ERC2: variants seen among roughly 807,000 people sequenced by gnomAD.
ERC2 encodes ELKS/RAB6-interacting/CAST family member 2.
In ERC2, 42 loss-of-function variants were observed where a neutral mutation model predicts 114.8. That is an observed-to-expected ratio of 0.37 (90% CI 0.29 to 0.47). The LOEUF is 0.47. ERC2 is among the 20% of genes least tolerant of loss of function. The probability of loss-of-function intolerance (pLI) is 0.99; values close to 1 mark genes in which losing one functional copy is unlikely to be tolerated. For synonymous variants in ERC2, 454 were observed against 425.5 expected (o/e 1.07, Z -0.82); for missense variants, 939 against 1,150.7 (o/e 0.82, Z 2.66).
At chr3:55,651,904 CG>C (rs1280520293) in intron 17 of ERC2, among the ~76,000 whole-genome samples, 1 of 152,206 alleles carries the variant, frequency 6.6e-6, no homozygotes, top group Non-Finnish European at 1.5e-5. Context: ...CCCAGCAGCT[CG>C]GAATGCTGTT....
intron 12 of ERC2, among the ~76,000 whole-genome samples, chr3:55,954,284 A>T (rs564128037): frequency 2.6e-5 from 4 of 152,304 alleles, no homozygotes; most frequent in African/African-American, 9.6e-5. Flanking sequence ...TTCATAAATC[A>T]AGGGATGTCA....
At chr3:55,735,379 T>C (rs1188919047) in intron 14 of ERC2, among the ~76,000 whole-genome samples, 1 of 152,204 alleles carries the variant, frequency 6.6e-6, no homozygotes, top group Non-Finnish European at 1.5e-5. Context: ...GGTGGTAGCT[T>C]CCAGCAAGGG....
chr3:55,677,401 C>G (rs1215572847), intron 17 of ERC2, among the ~76,000 whole-genome samples: 1 of 152,130 alleles, frequency 6.6e-6, no homozygotes, highest in African/African-American at 2.4e-5. Context: ...TTTGCCTTTT[C>G]TTTTACCTCC....
At chr3:55,581,726 C>T (rs964091654) in intron 17 of ERC2, among the ~76,000 whole-genome samples, 4 of 152,140 alleles carry the variant, frequency 2.6e-5, no homozygotes, top group African/African-American at 9.7e-5. Context: ...GGGTCCAGAG[C>T]TTCTCAGAAA....
At chr3:56,447,183 T>C (rs561030277) in intron 1 of ERC2, among the ~76,000 whole-genome samples, 1 of 152,328 alleles carries the variant, frequency 6.6e-6, no homozygotes, top group South Asian at 2.1e-4. Flanking sequence ...GTGTCTGAGC[T>C]TGGCCACGGG....
In ERC2 at chr3:55,754,126, C is replaced by T. The variant is rs116521301; in HGVS notation, c.2565-19208G>A. Among the ~76,000 whole-genome samples, 713 of 151,932 alleles carry T rather than the reference C, an allele frequency of 4.7e-3. 5 individuals carry two copies. Among genetic ancestry groups the T allele is most frequent in the African/African-American group, 0.016 (663 of 41,446 alleles). On this transcript the variant is annotated intron_variant, in intron 14 of 17. Coordinates refer to ENST00000288221, the MANE Select transcript of ERC2 (RefSeq NM_015576.3). ...TGAGTGTGGTTCATTAAGTTATTAT[C>T]GGCTACAAGATAAATATGTTCAAAT...
chr3:55,694,738 C>T (rs908396995), intron 16 of ERC2, among the ~76,000 whole-genome samples: 2 of 152,118 alleles, frequency 1.3e-5, no homozygotes, highest in African/African-American at 4.8e-5. Flanking sequence ...AGAATCAGAG[C>T]GGCAAGTGCT....
chr3:56,111,330 TCTCA>T (rs958101280), intron 6 of ERC2, among the ~76,000 whole-genome samples: 49 of 145,486 alleles, frequency 3.4e-4, no homozygotes, highest in Non-Finnish European at 5.5e-4. Flanking sequence ...TCTCTCTCTC[TCTCA>T]ATCTCTCTCC....
rs1219198403 is a variant in ERC2, at chr3:55,997,901, TTTTTTTG to T, written c.2062-5658_2062-5652del. 3.2e-3 allele frequency among the ~76,000 whole-genome samples: 160 copies of T among 50,738 alleles called. 1 individual carries two copies. Among genetic ancestry groups the T allele is most frequent in the African/African-American group, 4.2e-3 (66 of 15,862 alleles). 33.3% of individuals were successfully genotyped at this position (50,738 alleles called of 152,430 possible). On this transcript the variant is annotated intron_variant, in intron 10 of 17. Coordinates refer to ENST00000288221, the MANE Select transcript of ERC2 (RefSeq NM_015576.3). ...TTCTGTTTTTTTTTTTTTTTTTTTTTTTTTTTGTGTGTGTGTGTGTGTTTTTTGTTTT... is the reference window on the plus strand; with the variant it reads ...TTCTGTTTTTTTTTTTTTTTTTTTTTTGTGTGTGTGTGTGTTTTTTGTTTT...
intron 14 of ERC2, among the ~76,000 whole-genome samples, chr3:55,839,444 C>T (rs1208230783): frequency 6.6e-6 from 1 of 151,810 alleles, no homozygotes; most frequent in African/African-American, 2.4e-5. Context: ...GATATTTTAT[C>T]TCATCATTTA....
At position 55,661,450 on chromosome 3, in the gene ERC2, C is replaced by G. The variant is rs192791475; in HGVS notation, c.*39+22344G>C. Among the ~76,000 whole-genome samples, 17 of 152,302 alleles carry G rather than the reference C, an allele frequency of 1.1e-4. No individual in the cohort carries two copies. The East Asian group carries it at 3.1e-3, about 28-fold the overall frequency. Reference sequence around the variant, plus strand: ...CTTTTATCACAGCCTCGTCTCTCCTCTCCTCCCCCTTGGGACCTCTCTGCC... The same window carrying G: ...CTTTTATCACAGCCTCGTCTCTCCTGTCCTCCCCCTTGGGACCTCTCTGCC... On this transcript the variant is annotated intron_variant, in intron 17 of 17. Coordinates refer to ENST00000288221, the MANE Select transcript of ERC2 (RefSeq NM_015576.3).
chr3:56,373,322 CAGA>C (rs1255788911), intron 2 of ERC2, among the ~76,000 whole-genome samples: 1 of 152,166 alleles, frequency 6.6e-6, no homozygotes, highest in Admixed American at 6.5e-5. Flanking sequence ...TGTGTTATTT[CAGA>C]AGAAGTAGGT....
At chr3:56,041,207 T>C (rs2149661158) in intron 7 of ERC2, among the ~76,000 whole-genome samples, 1 of 152,312 alleles carries the variant, frequency 6.6e-6, no homozygotes, top group African/African-American at 2.4e-5. Context: ...GTGGGGTTTT[T>C]TTCCTATTTA....
At chr3:55,954,800 C>G (rs1335222598) in intron 12 of ERC2, among the ~76,000 whole-genome samples, 1 of 151,918 alleles carries the variant, frequency 6.6e-6, no homozygotes, top group African/African-American at 2.4e-5. Context: ...CCAAGTAAAC[C>G]CTTCTTCTAG....
chr3:55,623,891 A>G (rs2059413073), intron 17 of ERC2, among the ~76,000 whole-genome samples: 1 of 152,202 alleles, frequency 6.6e-6, no homozygotes. Context: ...AGAGAATTAA[A>G]TTTATGTTCA....
chr3:55,794,300 T>C (rs1345484271), intron 14 of ERC2, among the ~76,000 whole-genome samples: 1 of 152,212 alleles, frequency 6.6e-6, no homozygotes, highest in African/African-American at 2.4e-5. Context: ...GATACAACTT[T>C]TATCCTGTTT....
At chr3:56,269,873 G>A (rs1222576742) in intron 3 of ERC2, among the ~76,000 whole-genome samples, 3 of 152,162 alleles carry the variant, frequency 2.0e-5, no homozygotes, top group African/African-American at 4.8e-5. Flanking sequence ...CTTAAAGGGT[G>A]AGGCTCTGGT....
At chr3:56,394,567 C>T (rs1023345891) in intron 2 of ERC2, among the ~76,000 whole-genome samples, 2 of 152,082 alleles carry the variant, frequency 1.3e-5, no homozygotes, top group African/African-American at 4.8e-5. Context: ...TCTGAATAAG[C>T]ATTTCTCCAA....
intron 1 of ERC2, among the ~76,000 whole-genome samples, chr3:56,460,015 C>T (rs1399360575): frequency 6.6e-6 from 1 of 152,154 alleles, no homozygotes; most frequent in Admixed American, 6.5e-5. Flanking sequence ...TTGAGGCACG[C>T]CCTGGGAATT....
Sources: gnomAD v4.1 joint callset for allele counts (sites outside exome capture counted in the v4.1 genomes callset) on GRCh38, gnomAD v4.1.1 for gene constraint, MANE v1.5 for transcripts, NCBI Gene and HGNC (gene_info 2026-07-23, HGNC 2026-07-21) for gene names.